CDH13: variants seen among roughly 807,000 people sequenced by gnomAD.
CDH13 encodes cadherin 13.
CDH13 carries 24 observed loss-of-function variants against 63.8 expected under a neutral mutation model. That is an observed-to-expected ratio of 0.38 (90% CI 0.27 to 0.53). The LOEUF is 0.53. Ranked by LOEUF, CDH13 falls within the 20% of genes least tolerant of loss-of-function variation. The pLI is 0.85. For synonymous variants in CDH13, 503 were observed against 355.3 expected (o/e 1.42, Z -4.67); for missense variants, 1,049 against 903.1 (o/e 1.16, Z -2.07).
At chr16:83,127,686 C>T (rs569507785) in intron 4 of CDH13, among the ~76,000 whole-genome samples, 1 of 152,282 alleles carries the variant, frequency 6.6e-6, no homozygotes, top group Admixed American at 6.5e-5. Flanking sequence ...GGGATCATGC[C>T]AGTGTACTCC....
chr16:83,301,745 C>T (rs867560270), intron 5 of CDH13, among the ~76,000 whole-genome samples: 5 of 152,018 alleles, frequency 3.3e-5, no homozygotes, highest in African/African-American at 9.7e-5. Flanking sequence ...TTTTTTCCTT[C>T]TTTGATGTTC....
Position 82,724,581 on chromosome 16 carries a change from A to T in CDH13, c.45+97444A>T, listed in dbSNP as rs187832238. On this transcript the variant is annotated intron_variant, in intron 1 of 13. Coordinates refer to ENST00000567109, the MANE Select transcript of CDH13 (RefSeq NM_001257.5). ...GGGATGCCCTCAAATGCCATGTCTG[A>T]TGGAGGCATCCCCACCTAGAGTAGC... is the stretch of plus-strand genomic sequence containing the variant. 2.8e-3 allele frequency among the ~76,000 whole-genome samples: 422 copies of T among 152,308 alleles called. 2 individuals are homozygous for T. The highest frequency in any genetic ancestry group is 2.7e-3 in the Non-Finnish European group (184 of 68,012).
chr16:83,153,592 A>T (rs778292326), intron 4 of CDH13, among the ~76,000 whole-genome samples: 8 of 152,218 alleles, frequency 5.3e-5, no homozygotes, highest in Admixed American at 1.3e-4. Context: ...ATGAACAGGG[A>T]CAGTTTGGAG....
chr16:82,640,244 A>G (rs976436037), intron 1 of CDH13, among the ~76,000 whole-genome samples: 2 of 152,248 alleles, frequency 1.3e-5, no homozygotes, highest in Non-Finnish European at 2.9e-5. Flanking sequence ...TGGCCTTTCT[A>G]TAGCATAGAG....
intron 1 of CDH13, among the ~76,000 whole-genome samples, chr16:82,843,487 C>G (rs1045328294): frequency 6.6e-6 from 1 of 152,204 alleles, no homozygotes; most frequent in Non-Finnish European, 1.5e-5. Flanking sequence ...TTCTGCTTAA[C>G]ATAATCAGTT....
In CDH13 at chr16:83,687,837, G is replaced by C. The variant is rs148128093; in HGVS notation, c.1538+9376G>C. ...CAGCCAACCCTTCTTCCGAAGCCTT[G>C]ATCCAAATTGAGCCTATTCTTTGAA... On this transcript the variant is annotated intron_variant, in intron 10 of 13. Transcript: ENST00000567109. Among the ~76,000 whole-genome samples, 9 of 152,290 alleles carry C rather than the reference G, an allele frequency of 5.9e-5. No homozygotes were observed. In the East Asian group the frequency reaches 1.5e-3, roughly 26 times the overall value.
At chr16:83,606,302 A>T (rs1908323787) in intron 8 of CDH13, among the ~76,000 whole-genome samples, 1 of 152,218 alleles carries the variant, frequency 6.6e-6, no homozygotes, top group African/African-American at 2.4e-5. Context: ...TCTATCTTAC[A>T]TGACTTTCCC....
At chr16:83,392,949 AG>A (rs34260940) in intron 6 of CDH13, among the ~76,000 whole-genome samples, 73,772 of 151,482 alleles carry the variant, frequency 0.49, 19,213 homozygotes, top group East Asian at 0.76. Flanking sequence ...GGAAGTTGGG[AG>A]GGGAGAGGCC....
chr16:83,732,132 C>T (rs1490278914), intron 10 of CDH13, among the ~76,000 whole-genome samples: 1 of 152,166 alleles, frequency 6.6e-6, no homozygotes, highest in African/African-American at 2.4e-5. Flanking sequence ...AGTTTCCATT[C>T]TAGTGGGAAG....
chr16:83,144,162 T>A (rs2036649249), intron 4 of CDH13, among the ~76,000 whole-genome samples: 2 of 152,128 alleles, frequency 1.3e-5, no homozygotes, highest in African/African-American at 4.8e-5. Flanking sequence ...CTTCTTTCTC[T>A]CCCTACCTGG....
At chr16:83,753,950 C>CCA (rs144476939) in intron 11 of CDH13, among the ~76,000 whole-genome samples, 14 of 114,786 alleles carry the variant, frequency 1.2e-4, no homozygotes, top group Non-Finnish European at 2.4e-4. Context: ...AAAAAGAAAA[C>CCA]CTTTTTTTTT....
chr16:83,150,958 C>A (rs2036954537), intron 4 of CDH13, among the ~76,000 whole-genome samples: 2 of 151,958 alleles, frequency 1.3e-5, no homozygotes, highest in African/African-American at 4.8e-5. Context: ...TATACCCCAT[C>A]TTTTTTTTAC....
intron 3 of CDH13, among the ~76,000 whole-genome samples, chr16:83,078,403 C>T (rs1340220707): frequency 6.6e-6 from 1 of 152,174 alleles, no homozygotes; most frequent in Non-Finnish European, 1.5e-5. Context: ...TTGTTAGATT[C>T]TCATAAGGAA....
intron 11 of CDH13, among the ~76,000 whole-genome samples, chr16:83,771,322 A>C (rs973253143): frequency 6.6e-6 from 1 of 152,218 alleles, no homozygotes; most frequent in Non-Finnish European, 1.5e-5. Flanking sequence ...GCCATCTCAT[A>C]GGCAGTTATC....
chr16:82,639,224 C>G (rs1909079257), intron 1 of CDH13: 2 of 501,270 alleles, frequency 4.0e-6, no homozygotes, highest in African/African-American at 3.9e-5. Flanking sequence ...GGGATGACTA[C>G]TTTTTTGAGT....
intron 13 of CDH13, among the ~76,000 whole-genome samples, chr16:83,789,278 TAAGC>T (rs1393034048): frequency 6.6e-6 from 1 of 151,720 alleles, no homozygotes; most frequent in Non-Finnish European, 1.5e-5. Context: ...CTTAAACCCT[TAAGC>T]AAGGATTGGA....
At chr16:83,657,850 A>G (rs1913006388) in intron 8 of CDH13, among the ~76,000 whole-genome samples, 1 of 151,782 alleles carries the variant, frequency 6.6e-6, no homozygotes, top group Admixed American at 6.6e-5. Flanking sequence ...TGTCCTCACC[A>G]GCAGGTCCCA....
At chr16:83,142,311 C>T (rs1271033711) in intron 4 of CDH13, among the ~76,000 whole-genome samples, 1 of 151,900 alleles carries the variant, frequency 6.6e-6, no homozygotes, top group Non-Finnish European at 1.5e-5. Flanking sequence ...CAGGTGTGTG[C>T]CCCCACACCT....
intron 7 of CDH13, among the ~76,000 whole-genome samples, chr16:83,557,497 C>T (rs761375493): frequency 2.0e-4 from 31 of 152,136 alleles, no homozygotes; most frequent in Non-Finnish European, 4.1e-4. Context: ...TGACATGTTA[C>T]ATTATATGTA....
Sources: gnomAD v4.1 joint callset for allele counts (sites outside exome capture counted in the v4.1 genomes callset) on GRCh38, gnomAD v4.1.1 for gene constraint, MANE v1.5 for transcripts, NCBI Gene and HGNC (gene_info 2026-07-23, HGNC 2026-07-21) for gene names.